Variants in NID1 observed in about 807,000 individuals in gnomAD.
NID1 encodes nidogen-1.
NID1 carries 76 observed loss-of-function variants against 130.6 expected under a neutral mutation model. The ratio of observed to expected loss-of-function variants is 0.58; its 90% confidence interval spans 0.48 to 0.70. The LOEUF is 0.70. Among genes scored for constraint, NID1 ranks in the 30% least tolerant of loss-of-function variants. The pLI, the probability that NID1 is intolerant of heterozygous loss-of-function variation, is 0.00. For synonymous variants in NID1, 665 were observed against 675.1 expected (o/e 0.98, Z 0.23); for missense variants, 1,517 against 1,664.8 (o/e 0.91, Z 1.54).
At position 236,004,392 on chromosome 1, in the gene NID1, C is replaced by A. The variant is rs192314056; in HGVS notation, c.2527+7529G>T. Among the ~76,000 whole-genome samples the A allele has an allele frequency of 6.1e-4, 93 of 152,250 alleles. No homozygotes were observed. The East Asian group carries it at 0.01, about 17-fold the overall frequency. Reference sequence around the variant, plus strand: ...CAGTGTGGGAACAGGAAAGCCCCAGCGCTAACAGGCACTCTAGAAGGCACT... The same window carrying A: ...CAGTGTGGGAACAGGAAAGCCCCAGAGCTAACAGGCACTCTAGAAGGCACT... On this transcript the variant is annotated intron_variant, in intron 12 of 19. Coordinates refer to ENST00000264187, the MANE Select transcript of NID1 (RefSeq NM_002508.3).
In NID1 at chr1:236,049,129, A is replaced by C; in HGVS notation, c.226-140T>G. ...AGAATCTGAGAAAGATACGAGCCTGAACCGCATACCCCAGCATTCATTTCT... is the reference window on the plus strand; with the variant it reads ...AGAATCTGAGAAAGATACGAGCCTGCACCGCATACCCCAGCATTCATTTCT... On this transcript the variant is annotated intron_variant, in intron 1 of 19. Coordinates refer to ENST00000264187, the MANE Select transcript of NID1 (RefSeq NM_002508.3). 5.8e-6 allele frequency: 5 copies of C among 859,954 alleles called. No individual in the cohort carries two copies. The South Asian group carries it at 7.2e-5, about 12-fold the overall frequency. The allele number at this position is 859,954 out of a possible 1,614,324, so 53.3% of individuals were successfully genotyped here.
chr1:236,025,779 A>G lies in NID1; in HGVS notation c.1984+117T>C, dbSNP rs1289559800. 4 of 1,346,036 alleles carry G rather than the reference A, an allele frequency of 3.0e-6. No individual in the cohort carries two copies. In the Admixed American group the frequency reaches 6.7e-5, roughly 23 times the overall value. 83.4% of individuals were successfully genotyped at this position (1,346,036 alleles called of 1,614,324 possible). ...GACATTCTTTTTTTCCTGCCAGAAG[A>G]TACTTTAGCATAATTTTCTTCTACA... is the stretch of plus-strand genomic sequence containing the variant. On this transcript the variant is annotated intron_variant, in intron 8 of 19. Transcript: ENST00000264187.
chr1:235,986,078 T>C (rs1327829038), intron 14 of NID1, among the ~76,000 whole-genome samples: 1 of 152,198 alleles, frequency 6.6e-6, no homozygotes, highest in Non-Finnish European at 1.5e-5. Flanking sequence ...CTTCTCAGTA[T>C]GTAGTTTGCT....
chr1:236,028,687 C>CAT (rs59523526), intron 7 of NID1, among the ~76,000 whole-genome samples: 14,124 of 146,642 alleles, frequency 0.096, 734 homozygotes, highest in African/African-American at 0.15. Flanking sequence ...GGTCAGTATA[C>CAT]ATATATATAT....
chr1:235,993,299 C>T (rs1465382202), intron 13 of NID1, among the ~76,000 whole-genome samples: 10 of 152,214 alleles, frequency 6.6e-5, no homozygotes, highest in African/African-American at 2.4e-4. Flanking sequence ...CCTCCCTTGG[C>T]AGAGAGTTCT....
intron 5 of NID1, among the ~76,000 whole-genome samples, chr1:236,036,367 AG>A (rs1397009665): frequency 2.0e-5 from 3 of 152,264 alleles, no homozygotes; most frequent in African/African-American, 7.2e-5. Context: ...ATGGGGACAC[AG>A]AAGGAAATGA....
At chr1:235,985,321 G>T in intron 15 of NID1, 58 bp downstream of exon 15, 1 of 1,597,122 alleles carries the variant, frequency 6.3e-7, no homozygotes, top group South Asian at 1.1e-5. Flanking sequence ...TGGCATACAT[G>T]GCCACTTTGG....
At position 235,977,746 on chromosome 1, in the gene NID1, G is replaced by T; in HGVS notation, c.*121C>A. Reference sequence around the variant, plus strand: ...TGAGGGAAAAGTTGTTGGGGCTCAGGCTGGGCTGGGTCTGGGCCTAGTGGC... The same window carrying T: ...TGAGGGAAAAGTTGTTGGGGCTCAGTCTGGGCTGGGTCTGGGCCTAGTGGC... On this transcript the variant is annotated 3_prime_UTR_variant, in exon 20 of 20. Coordinates refer to ENST00000264187, the MANE Select transcript of NID1 (RefSeq NM_002508.3). 1 of 1,138,650 alleles carries T rather than the reference G, an allele frequency of 8.8e-7. No homozygotes were observed. The highest frequency in any genetic ancestry group is 1.3e-6 in the Non-Finnish European group (1 of 788,746). The allele number at this position is 1,138,650 out of a possible 1,614,324, so 70.5% of individuals were successfully genotyped here. A position where few individuals can be genotyped will look rare whatever the true frequency, so the allele number is the denominator to read the frequency against.
intron 2 of NID1, among the ~76,000 whole-genome samples, chr1:236,048,430 C>G (rs912260382): frequency 1.3e-5 from 2 of 152,148 alleles, no homozygotes; most frequent in African/African-American, 2.4e-5. Context: ...TTTATCAACC[C>G]TATTTTTGCC....
intron 5 of NID1, among the ~76,000 whole-genome samples, chr1:236,034,689 G>A (rs954739150): frequency 6.6e-6 from 1 of 152,094 alleles, no homozygotes; most frequent in Non-Finnish European, 1.5e-5. Flanking sequence ...TCTTTTGGGG[G>A]TGATGAAAAT....
chr1:236,035,757 T>G (rs1368942847), intron 5 of NID1, among the ~76,000 whole-genome samples: 1 of 152,340 alleles, frequency 6.6e-6, no homozygotes, highest in East Asian at 1.9e-4. Context: ...ACAGGTTCTC[T>G]GATCAGCCAG....
In NID1 at chr1:236,017,151, C is replaced by G. The variant is rs767937242; in HGVS notation, c.2251G>C (p.Val751Leu). 1.9e-6 allele frequency: 3 copies of G among 1,613,942 alleles called. No individual in the cohort carries two copies. The highest frequency in any genetic ancestry group is 1.3e-5 in the African/African-American group (1 of 74,942). Residue 751 changes from valine to leucine, a missense_variant, in exon 10 of 20, where the codon GTG becomes CTG. Val to Leu is a conservative substitution (Grantham distance 32). Coordinates refer to ENST00000264187, the MANE Select transcript of NID1 (RefSeq NM_002508.3). The stretch of plus-strand genomic sequence containing the variant: ...AAAAGTTACCTGGAGAACTTACCCA[C>G]ACACGTTCCCTCATCTGAAAACTGG... Reference protein sequence around the residue: ...GYQFSDEGTCVAVVDQRPINY... With the variant: ...GYQFSDEGTCLAVVDQRPINY...
intron 12 of NID1, among the ~76,000 whole-genome samples, chr1:236,003,194 T>TA (rs1658135353): frequency 9.3e-6 from 1 of 107,864 alleles, no homozygotes; most frequent in Admixed American, 1.2e-4. Context: ...GACTGGTAGT[T>TA]GTCACTCCTA....
chr1:236,058,638 T>C (rs1046524236), intron 1 of NID1, among the ~76,000 whole-genome samples: 1 of 152,232 alleles, frequency 6.6e-6, no homozygotes, highest in Non-Finnish European at 1.5e-5. Context: ...TATATGCAGA[T>C]GCTCAATAAA....
At chr1:236,011,306 C>CT (rs60420534) in intron 12 of NID1, among the ~76,000 whole-genome samples, 20,020 of 100,036 alleles carry the variant, frequency 0.2, 2,047 homozygotes, top group South Asian at 0.32. Flanking sequence ...CTTTTTTTTT[C>CT]TTTTTTTTTT....
chr1:236,029,927 C>A (rs1659048499), intron 6 of NID1, among the ~76,000 whole-genome samples, 177 bp from the exon 7 acceptor site: 2 of 152,162 alleles, frequency 1.3e-5, no homozygotes, highest in Admixed American at 1.3e-4. Flanking sequence ...TGTGGCCCAA[C>A]TGAGCCACAC....
chr1:235,982,726 T>C (rs1260466674), intron 15 of NID1, among the ~76,000 whole-genome samples: 2 of 152,144 alleles, frequency 1.3e-5, no homozygotes, highest in South Asian at 2.1e-4. Flanking sequence ...CGATTGTGTT[T>C]TATTGATATC....
intron 1 of NID1, among the ~76,000 whole-genome samples, chr1:236,057,576 A>G (rs908699262): frequency 1.3e-4 from 19 of 151,646 alleles, no homozygotes; most frequent in Non-Finnish European, 2.4e-4. Context: ...CTAAAATTAC[A>G]AAAATTAGCC....
chr1:236,044,347 A>G (rs968949956), intron 3 of NID1, among the ~76,000 whole-genome samples: 2 of 152,238 alleles, frequency 1.3e-5, no homozygotes, highest in Admixed American at 6.5e-5. Flanking sequence ...AAAGGAAAAA[A>G]TATTCAAAAC....
Sources: gnomAD v4.1 joint callset for allele counts (sites outside exome capture counted in the v4.1 genomes callset) on GRCh38, gnomAD v4.1.1 for gene constraint, MANE v1.5 for transcripts, NCBI Gene and HGNC (gene_info 2026-07-23, HGNC 2026-07-21) for gene names.